SGCD: variants seen among roughly 807,000 people sequenced by gnomAD.
SGCD encodes sarcoglycan delta.
A neutral mutation model predicts 36.6 loss-of-function variants in SGCD; 18 were observed. That is an observed-to-expected ratio of 0.49 (90% CI 0.34 to 0.73). SGCD has a LOEUF of 0.73. SGCD is among the 30% of genes least tolerant of loss of function. SGCD has a pLI of 0.01. For synonymous variants in SGCD, 133 were observed against 130.6 expected (o/e 1.02, Z -0.12); for missense variants, 387 against 346.7 (o/e 1.12, Z -0.92).
chr5:156,378,371 G>C (rs1332731309), intron 3 of SGCD, among the ~76,000 whole-genome samples: 1 of 152,282 alleles, frequency 6.6e-6, no homozygotes, highest in South Asian at 2.1e-4. Flanking sequence ...TAATGATACA[G>C]AGTTTCAGTT....
intron 3 of SGCD, among the ~76,000 whole-genome samples, chr5:156,175,459 A>G (rs1763443752): frequency 6.6e-6 from 1 of 152,098 alleles, no homozygotes; most frequent in South Asian, 2.1e-4. Flanking sequence ...CACCAACTAC[A>G]CCATATTTTA....
In SGCD at chr5:155,983,373, C is replaced by T. The variant is rs554836861; in HGVS notation, c.-282+112949C>T. On this transcript the variant is annotated intron_variant, in intron 1 of 9. Transcript: ENST00000517913. The stretch of plus-strand genomic sequence containing the variant: ...GGAGTGCAGTGGCATGATCTCGGCT[C>T]ACTGCAACCTCCACCTCCCAGGTTC... 7.3e-4 allele frequency among the ~76,000 whole-genome samples: 111 copies of T among 152,200 alleles called. 1 individual carries two copies. The highest frequency in any genetic ancestry group is 8.8e-4 in the Non-Finnish European group (60 of 68,044).
intron 1 of SGCD, among the ~76,000 whole-genome samples, chr5:155,977,491 GT>G (rs1249602543): frequency 1.3e-5 from 2 of 152,128 alleles, no homozygotes; most frequent in East Asian, 3.8e-4. Context: ...ATGGAATGGT[GT>G]TTAATAAATA....
chr5:156,278,319 C>T (rs761405525), intron 3 of SGCD, among the ~76,000 whole-genome samples: 1 of 152,074 alleles, frequency 6.6e-6, no homozygotes, highest in East Asian at 1.9e-4. Flanking sequence ...AGGAAAAAGC[C>T]TAACATGATC....
At chr5:155,891,914 T>A (rs1298037363) in intron 1 of SGCD, among the ~76,000 whole-genome samples, 2 of 152,140 alleles carry the variant, frequency 1.3e-5, no homozygotes, top group Non-Finnish European at 2.9e-5. Context: ...GAATTTCTCT[T>A]GAGAATTATA....
rs550408015 is a variant in SGCD, at chr5:156,458,162, A to AGCAGGCAG, written c.193-50427_193-50420dup. 4.3e-3 allele frequency among the ~76,000 whole-genome samples: 661 copies of AGCAGGCAG among 152,206 alleles called. 1 individual carries two copies. The highest frequency in any genetic ancestry group is 0.015 in the African/African-American group (622 of 41,554). ...TGCTGAAGGAGAATCCTCATTCCCC[A>AGCAGGCAG]GCAGGCAGGCAGGCAGGCACACAGG... is the stretch of plus-strand genomic sequence containing the variant. On this transcript the variant is annotated intron_variant, in intron 3 of 8. Transcript: ENST00000337851.
rs138280034 is a variant in SGCD, at chr5:156,650,424, G to A, written c.575+2888G>A. ...TGCATGATGCTGAGGTTTGGAGTAC[G>A]AATGATCCGTCACCCAGGTAGTAAG... On this transcript the variant is annotated intron_variant, in intron 7 of 8. Transcript: ENST00000337851. Among the ~76,000 whole-genome samples, 12 of 152,174 alleles carry A rather than the reference G, an allele frequency of 7.9e-5. No individual in the cohort carries two copies. In the East Asian group the frequency reaches 1.9e-3, roughly 25 times the overall value.
chr5:156,489,238 ATAT>A (rs1454711955), intron 3 of SGCD, among the ~76,000 whole-genome samples: 1 of 152,112 alleles, frequency 6.6e-6, no homozygotes, highest in Non-Finnish European at 1.5e-5. Context: ...TATAAAGCAA[ATAT>A]TATTGGATCT....
At chr5:156,734,485 G>C (rs567014450) in intron 7 of SGCD, among the ~76,000 whole-genome samples, 27 of 152,132 alleles carry the variant, frequency 1.8e-4, no homozygotes, top group African/African-American at 6.3e-4. Flanking sequence ...TTCTAAATTG[G>C]CTCCATTCTC....
chr5:156,724,761 A>T (rs1274905917), intron 7 of SGCD, among the ~76,000 whole-genome samples: 1 of 152,202 alleles, frequency 6.6e-6, no homozygotes, highest in Non-Finnish European at 1.5e-5. Flanking sequence ...ATAAGCCCCC[A>T]GTTAGGTCTT....
intron 3 of SGCD, among the ~76,000 whole-genome samples, chr5:156,300,740 G>A (rs1767032668): frequency 6.6e-6 from 1 of 151,966 alleles, no homozygotes; most frequent in South Asian, 2.1e-4. Flanking sequence ...CTTGTATTGG[G>A]ATCTCTCTGT....
chr5:155,733,939 T>C, the SGCD span, among the ~76,000 whole-genome samples: 1 of 151,992 alleles, frequency 6.6e-6, no homozygotes, highest in Non-Finnish European at 1.5e-5. Context: ...TCAGCTAGCA[T>C]TTTTACTGCT....
At chr5:156,237,860 C>G (rs1197534745) in intron 3 of SGCD, among the ~76,000 whole-genome samples, 1 of 152,088 alleles carries the variant, frequency 6.6e-6, no homozygotes, top group Non-Finnish European at 1.5e-5. Context: ...AGTCACAGAC[C>G]TTGCCTCAAA....
intron 1 of SGCD, among the ~76,000 whole-genome samples, chr5:155,935,249 C>T (rs1757171249): frequency 6.6e-6 from 1 of 152,046 alleles, no homozygotes. Context: ...TAATCTTTAC[C>T]ATATCCTAGT....
intron 7 of SGCD, among the ~76,000 whole-genome samples, chr5:156,686,912 G>A (rs768815224): frequency 1.3e-5 from 2 of 152,130 alleles, no homozygotes; most frequent in Non-Finnish European, 2.9e-5. Context: ...TAACAACCGT[G>A]GCTGTGATTT....
intron 3 of SGCD, among the ~76,000 whole-genome samples, chr5:156,481,554 G>A (rs1392952624): frequency 6.6e-6 from 1 of 152,172 alleles, no homozygotes; most frequent in Non-Finnish European, 1.5e-5. Context: ...GCCCGTGGGT[G>A]CCTAATTTGA....
At chr5:155,930,882 T>G (rs975967835) in intron 1 of SGCD, among the ~76,000 whole-genome samples, 1 of 152,218 alleles carries the variant, frequency 6.6e-6, no homozygotes, top group African/African-American at 2.4e-5. Flanking sequence ...AAAGGTCACA[T>G]TTGAATGGGA....
At chr5:156,553,061 G>A (rs1328567243) in intron 4 of SGCD, among the ~76,000 whole-genome samples, 4 of 152,220 alleles carry the variant, frequency 2.6e-5, no homozygotes, top group African/African-American at 9.6e-5. Context: ...GCGAAGGGCA[G>A]CCAGCGTGTG....
intron 1 of SGCD, among the ~76,000 whole-genome samples, chr5:155,912,307 T>C (rs114851539): frequency 6.6e-6 from 1 of 152,228 alleles, no homozygotes; most frequent in African/African-American, 2.4e-5. Flanking sequence ...CAAGCACTAC[T>C]AGTGTTTGTT....
Sources: allele counts gnomAD v4.1 joint callset (sites outside exome capture counted in the v4.1 genomes callset), GRCh38; gene constraint gnomAD v4.1.1; transcripts MANE v1.5; gene names NCBI Gene and HGNC (gene_info 2026-07-23, HGNC 2026-07-21).